SFT2D1: variants seen among roughly 807,000 people sequenced by gnomAD.
SFT2D1 encodes SFT2 domain containing 1.
A neutral mutation model predicts 28.1 loss-of-function variants in SFT2D1; 24 were observed. The ratio of observed to expected loss-of-function variants is 0.85; its 90% CI spans 0.62 to 1.20. The LOEUF is 1.20. Ranked by LOEUF, SFT2D1 falls within the 50% of genes most tolerant of loss-of-function variation. The pLI is 0.00. For synonymous variants in SFT2D1, 82 were observed against 73.7 expected (o/e 1.11, Z -0.58); for missense variants, 181 against 190.9 (o/e 0.95, Z 0.31).
intron 1 of SFT2D1, among the ~76,000 whole-genome samples, chr6:166,341,440 A>G (rs1778779468): frequency 7.6e-6 from 1 of 132,036 alleles, no homozygotes; most frequent in African/African-American, 2.9e-5. Context: ...ACAAAGCAAG[A>G]CTCCATCTAA....
rs1778760356 is a variant in SFT2D1 at position 166,340,684 on chromosome 6, G to C, written c.63+1735C>G. 4.6e-5 allele frequency among the ~76,000 whole-genome samples: 7 copies of C among 151,700 alleles called. No homozygotes were observed. In the South Asian group the frequency reaches 1.5e-3, roughly 32 times the overall value. On this transcript the variant is annotated intron_variant, in intron 1 of 7. Transcript: ENST00000361731. ...AACCCCAACCTCCTCAACCTGCTCT[G>C]ACTTTTTCTGTGGCTGTCTGACACA...
intron 3 of SFT2D1, among the ~76,000 whole-genome samples, 163 bp downstream of exon 3, chr6:166,329,344 G>A (rs527932700): frequency 1.3e-5 from 2 of 152,328 alleles, no homozygotes; most frequent in East Asian, 3.9e-4. Context: ...ATGGGAGACG[G>A]CATACAGCAG....
chr6:166,334,300 C>T (rs1778605796), intron 1 of SFT2D1, among the ~76,000 whole-genome samples: 1 of 152,186 alleles, frequency 6.6e-6, no homozygotes, highest in South Asian at 2.1e-4. Context: ...GCTGCTACAC[C>T]AAAAATACCA....
In SFT2D1 at chr6:166,322,716, G is replaced by C. The variant is rs997707066; in HGVS notation, c.440+141C>G. On this transcript the variant is annotated intron_variant, in intron 7 of 7. Transcript: ENST00000361731. ...AAAAAAAAAAAAAAAAAAAAAGTAT[G>C]TTTATTTCCTTTTAGGAAATTAAAA... 9 of 459,996 alleles carry C rather than the reference G, an allele frequency of 2.0e-5. No individual in the cohort carries two copies. The Admixed American group carries it at 3.5e-4, about 18-fold the overall frequency. 28.5% of individuals were successfully genotyped at this position (459,996 alleles called of 1,614,324 possible). A position where few individuals can be genotyped will look rare whatever the true frequency, so the allele number is the denominator to read the frequency against.
intron 6 of SFT2D1, chr6:166,323,803 T>C (rs549740855): frequency 1.6e-4 from 24 of 152,212 alleles, no homozygotes; most frequent in African/African-American, 5.5e-4. Context: ...CATTTACTGG[T>C]TGAGTATCAA....
chr6:166,331,716 G>A (rs1176372644), intron 1 of SFT2D1, among the ~76,000 whole-genome samples: 1 of 152,098 alleles, frequency 6.6e-6, no homozygotes, highest in African/African-American at 2.4e-5. Context: ...ATGGAGACAC[G>A]CCCATCAGCT....
intron 6 of SFT2D1, chr6:166,323,471 A>G (rs1274438185): frequency 1.3e-5 from 2 of 152,284 alleles, no homozygotes; most frequent in African/African-American, 4.8e-5. Context: ...TGGCAAAACC[A>G]GGAAGCAAAA....
At chr6:166,342,203 G>T (rs968697254) in intron 1 of SFT2D1, among the ~76,000 whole-genome samples, 2 of 152,040 alleles carry the variant, frequency 1.3e-5, no homozygotes, top group African/African-American at 2.4e-5. Context: ...GGAGAGTCGG[G>T]GGGGGGCCTC....
chr6:166,340,106 G>T (rs1325577619), intron 1 of SFT2D1, among the ~76,000 whole-genome samples: 1 of 152,216 alleles, frequency 6.6e-6, no homozygotes, highest in East Asian at 1.9e-4. Context: ...CAACAGTGTG[G>T]CCTGCTGGCT....
chr6:166,341,325 T>C (rs184557641), intron 1 of SFT2D1, among the ~76,000 whole-genome samples: 285 of 151,878 alleles, frequency 1.9e-3, no homozygotes, highest in African/African-American at 6.7e-3. Context: ...GGCAGGTGCC[T>C]GTAATCCCAG....
intron 7 of SFT2D1, among the ~76,000 whole-genome samples, chr6:166,321,944 C>T (rs1178697122): frequency 3.3e-5 from 5 of 152,204 alleles, no homozygotes; most frequent in African/African-American, 1.2e-4. Context: ...AGTGCAGTGG[C>T]ACGATCTTGG....
intron 6 of SFT2D1, 185 bp downstream of exon 6, chr6:166,324,352 C>A: frequency 3.8e-6 from 2 of 531,180 alleles, no homozygotes; most frequent in East Asian, 6.1e-5. Flanking sequence ...TTCTCCCGAA[C>A]AGTACCACTG....
intron 7 of SFT2D1, among the ~76,000 whole-genome samples, chr6:166,321,320 A>C (rs1228606589): frequency 6.6e-6 from 1 of 152,188 alleles, no homozygotes; most frequent in Non-Finnish European, 1.5e-5. Flanking sequence ...TACATTGCTT[A>C]TTGCTCTCGA....
chr6:166,330,498 T>C (rs1293703896), intron 1 of SFT2D1, among the ~76,000 whole-genome samples: 1 of 152,156 alleles, frequency 6.6e-6, no homozygotes, highest in Non-Finnish European at 1.5e-5. Context: ...AGTCCTTATC[T>C]GTTAGGGACA....
rs772939052 is a variant in SFT2D1, at chr6:166,320,255, C to A, written c.442G>T (p.Asp148Tyr). 1.9e-6 allele frequency: 3 copies of A among 1,609,940 alleles called. No homozygotes were observed. Among genetic ancestry groups the A allele is most frequent in the East Asian group, 2.2e-5 (1 of 44,626 alleles). Residue 148 changes from aspartate to tyrosine, a missense_variant and splice_region_variant, in exon 8 of 8, where the codon GAT becomes TAT. Transcript: ENST00000361731. ...YSLSYIPYAR[D>Y]AVIKCCSSLL... is the part of the protein sequence containing the mutation. The stretch of plus-strand genomic sequence containing the variant: ...GAAGAACAGCATTTAATAACTGCAT[C>A]CCTGGTGGAAAAGAGAGGGAAAAAA...
chr6:166,324,266 T>C, intron 6 of SFT2D1: 1 of 345,586 alleles, frequency 2.9e-6, no homozygotes, highest in South Asian at 9.4e-5. Flanking sequence ...CCTACTTTTC[T>C]TATTATTTCT....
chr6:166,341,817 G>C (rs1160539344), intron 1 of SFT2D1, among the ~76,000 whole-genome samples: 1 of 113,320 alleles, frequency 8.8e-6, no homozygotes, highest in Non-Finnish European at 1.9e-5. Flanking sequence ...GCAGACACAA[G>C]GGCTTTTATT....
intron 2 of SFT2D1, 93 bp downstream of exon 2, chr6:166,330,068 G>A: frequency 1.1e-6 from 1 of 935,188 alleles, no homozygotes; most frequent in South Asian, 2.3e-5. Context: ...GTCTAACAGG[G>A]ATTTAGTAAA....
Position 166,340,813 on chromosome 6 carries a change from T to C in SFT2D1, c.63+1606A>G, listed in dbSNP as rs1041410647. Among the ~76,000 whole-genome samples the C allele has an allele frequency of 6.6e-5, 10 of 152,380 alleles. No individual in the cohort carries two copies. In the East Asian group the frequency reaches 1.5e-3, roughly 23 times the overall value. On this transcript the variant is annotated intron_variant, in intron 1 of 7. Coordinates refer to ENST00000361731, the MANE Select transcript of SFT2D1 (RefSeq NM_145169.3). ...TTATTAACACCTGCATCTTGAACAA[T>C]GTCAAACATATGCAGGAACTTGAAT...
Sources: allele counts gnomAD v4.1 joint callset (sites outside exome capture counted in the v4.1 genomes callset), GRCh38; gene constraint gnomAD v4.1.1; transcripts MANE v1.5; gene names NCBI Gene and HGNC (gene_info 2026-07-23, HGNC 2026-07-21).